The following MCTP1 variants were observed in gnomAD, a reference collection of about 807,000 sequenced individuals.
MCTP1 encodes the protein multiple C2 and transmembrane domain-containing protein 1.
In MCTP1, 69 loss-of-function variants were observed where a neutral mutation model predicts 120.6. The observed-to-expected ratio is 0.57, with a 90% confidence interval of 0.47 to 0.70. The LOEUF (loss-of-function observed/expected upper bound fraction) is 0.70, where lower values mean the gene tolerates loss of function less well. MCTP1 is among the 30% of genes least tolerant of loss of function. MCTP1 has a pLI of 0.00. For missense variants in MCTP1, 1,203 were observed against 1,248.8 expected (o/e 0.96, Z 0.55); for synonymous variants, 529 against 493.1 (o/e 1.07, Z -0.96).
At chr5:94,926,492 G>T (rs1172086898) in intron 6 of MCTP1, among the ~76,000 whole-genome samples, 1 of 152,088 alleles carries the variant, frequency 6.6e-6, no homozygotes, top group Non-Finnish European at 1.5e-5. Context: ...TAACAATAAA[G>T]ATGCCTCATG....
chr5:94,755,614 T>A (rs1473312468), intron 19 of MCTP1, among the ~76,000 whole-genome samples: 1 of 152,236 alleles, frequency 6.6e-6, no homozygotes, highest in African/African-American at 2.4e-5. Context: ...ATTCTAGCGA[T>A]ATATTTCTTA....
At chr5:95,204,161 C>G (rs1427716594) in intron 1 of MCTP1, among the ~76,000 whole-genome samples, 2 of 152,058 alleles carry the variant, frequency 1.3e-5, no homozygotes, top group East Asian at 3.9e-4. Flanking sequence ...AAAAGCGACT[C>G]AAAGTCAATT....
chr5:95,023,451 T>C (rs998156876), intron 1 of MCTP1, among the ~76,000 whole-genome samples: 1 of 152,190 alleles, frequency 6.6e-6, no homozygotes, highest in Non-Finnish European at 1.5e-5. Context: ...ACTGACAAGA[T>C]GTGGGAAACA....
chr5:95,110,738 A>G (rs889586364), intron 1 of MCTP1, among the ~76,000 whole-genome samples: 1 of 152,152 alleles, frequency 6.6e-6, no homozygotes, highest in Non-Finnish European at 1.5e-5. Flanking sequence ...CCAGGATCCC[A>G]GTCACTGGCT....
intron 1 of MCTP1, among the ~76,000 whole-genome samples, chr5:95,044,699 C>G (rs1434390593): frequency 6.6e-6 from 1 of 151,970 alleles, no homozygotes; most frequent in Non-Finnish European, 1.5e-5. Flanking sequence ...TTGCTCAGCA[C>G]CATCTTCCTC....
At chr5:95,068,954 ATC>A in intron 1 of MCTP1, 4 of 217,512 alleles carry the variant, frequency 1.8e-5, no homozygotes, top group South Asian at 4.3e-5. Flanking sequence ...GTGAGCAGGT[ATC>A]TTTTTTTTTT....
intron 19 of MCTP1, among the ~76,000 whole-genome samples, chr5:94,767,446 A>C (rs1197855374): frequency 1.3e-5 from 2 of 152,186 alleles, no homozygotes; most frequent in African/African-American, 4.8e-5. Flanking sequence ...AAAGGCATCC[A>C]AATTGGAAAA....
At chr5:94,923,911 C>T (rs753491595) in intron 7 of MCTP1, 51 bp downstream of exon 7, 2 of 1,152,208 alleles carry the variant, frequency 1.7e-6, no homozygotes, top group Non-Finnish European at 2.5e-6. Context: ...TTCAAAATTG[C>T]TATCCAAAAC....
intron 11 of MCTP1, among the ~76,000 whole-genome samples, chr5:94,891,180 C>T (rs1802516700): frequency 6.6e-6 from 1 of 151,694 alleles, no homozygotes; most frequent in Non-Finnish European, 1.5e-5. Flanking sequence ...TGAGGATTAA[C>T]TGTTAATCTT....
intron 17 of MCTP1, among the ~76,000 whole-genome samples, chr5:94,854,617 A>C (rs1366980959): frequency 6.6e-6 from 1 of 151,842 alleles, no homozygotes; most frequent in Non-Finnish European, 1.5e-5. Flanking sequence ...GGAGTAGGTG[A>C]CCAACTTGAG....
At chr5:94,773,470 G>C (rs1418812578) in intron 19 of MCTP1, among the ~76,000 whole-genome samples, 2 of 152,110 alleles carry the variant, frequency 1.3e-5, no homozygotes, top group Non-Finnish European at 2.9e-5. Flanking sequence ...TTCTAAGATG[G>C]CTGCCAAGAT....
At position 94,867,374 on chromosome 5, in the gene MCTP1, A is replaced by G. The variant is rs1266857420; in HGVS notation, c.2436+959T>C. 13 of 1,524,944 alleles carry G rather than the reference A, an allele frequency of 8.5e-6. No individual in the cohort carries two copies. The East Asian group carries it at 2.7e-4, about 32-fold the overall frequency. The allele number at this position is 1,524,944 out of a possible 1,614,324, so 94.5% of individuals were successfully genotyped here. A position where few individuals can be genotyped will look rare whatever the true frequency, so the allele number is the denominator to read the frequency against. ...GTGCTCAGACATTAATGAAAGTCCC[A>G]TACAAGGCCTGAGAGGAAGACAGAG... On this transcript the variant is annotated intron_variant, in intron 17 of 22. Transcript: ENST00000515393.
rs771750051 is a variant in MCTP1, at chr5:94,873,093, A to G, written c.2036+46T>C. The G allele has an allele frequency of 2.7e-6, 3 of 1,114,036 alleles. No individual in the cohort carries two copies. In the Admixed American group the frequency reaches 5.3e-5, roughly 20 times the overall value. The allele number at this position is 1,114,036 out of a possible 1,614,324, so 69.0% of individuals were successfully genotyped here. On this transcript the variant is annotated intron_variant, in intron 13 of 22. Coordinates refer to ENST00000515393, the MANE Select transcript of MCTP1 (RefSeq NM_024717.7). Reference sequence around the variant, plus strand: ...TTTAAAACCCTCAAAAATAAATCAAATTTAACACAATTTTGGATTCAGAGC... The same window carrying G: ...TTTAAAACCCTCAAAAATAAATCAAGTTTAACACAATTTTGGATTCAGAGC...
intron 19 of MCTP1, among the ~76,000 whole-genome samples, chr5:94,773,513 T>TGAC (rs1365645969): frequency 6.6e-6 from 1 of 152,142 alleles, no homozygotes; most frequent in African/African-American, 2.4e-5. Flanking sequence ...CATGATAGTC[T>TGAC]CCCTCCCCTT....
At chr5:94,974,022 C>T (rs1409403968) in intron 2 of MCTP1, among the ~76,000 whole-genome samples, 1 of 151,964 alleles carries the variant, frequency 6.6e-6, no homozygotes, top group African/African-American at 2.4e-5. Context: ...ACAGTTCCTC[C>T]CACAAAATAA....
chr5:94,739,995 T>C (rs9791082), intron 19 of MCTP1, among the ~76,000 whole-genome samples: 39,075 of 152,152 alleles, frequency 0.26, 5,187 homozygotes, highest in East Asian at 0.35. Context: ...AATAAAATTT[T>C]GTTAAGGCTC....
intron 1 of MCTP1, among the ~76,000 whole-genome samples, chr5:95,279,304 AT>A (rs544203948): frequency 7.6e-4 from 116 of 152,258 alleles, no homozygotes; most frequent in African/African-American, 2.7e-3. Flanking sequence ...TGCTAATCCC[AT>A]TTTTTTCCCT....
intron 1 of MCTP1, among the ~76,000 whole-genome samples, chr5:95,224,281 C>G (rs556697224): frequency 6.6e-6 from 1 of 152,306 alleles, no homozygotes; most frequent in African/African-American, 2.4e-5. Flanking sequence ...AATTAGTCTT[C>G]TACACACCTT....
intron 18 of MCTP1, among the ~76,000 whole-genome samples, chr5:94,798,159 C>A (rs978905830): frequency 1.3e-5 from 2 of 151,474 alleles, no homozygotes; most frequent in African/African-American, 4.9e-5. Context: ...TGTTTGCCAA[C>A]CTTTAAATTC....
Sources: gnomAD v4.1 joint callset for allele counts (sites outside exome capture counted in the v4.1 genomes callset) on GRCh38, gnomAD v4.1.1 for gene constraint, MANE v1.5 for transcripts, NCBI Gene and HGNC (gene_info 2026-07-23, HGNC 2026-07-21) for gene names.